SYNE3: variants seen among roughly 807,000 people sequenced by gnomAD.
The protein encoded by SYNE3 is nesprin-3.
In SYNE3, 100 loss-of-function variants were observed where a neutral mutation model predicts 111.2. That is an observed-to-expected ratio of 0.90 (90% confidence interval 0.77 to 1.06). The LOEUF (loss-of-function observed/expected upper bound fraction) is 1.06. Ranked by LOEUF, SYNE3 falls within the 50% of genes least tolerant of loss-of-function variation. SYNE3 has a pLI of 0.00. For synonymous variants in SYNE3, 547 were observed against 533.9 expected, an observed-to-expected ratio of 1.02 and a Z score of -0.34; for missense variants, 1,160 against 1,240.3, an observed-to-expected ratio of 0.94 and a Z score of 0.97.
intron 15 of SYNE3, 39 bp downstream of exon 15, chr14:95,436,781 C>A: frequency 6.2e-7 from 1 of 1,606,558 alleles, no homozygotes; most frequent in Non-Finnish European, 8.5e-7. Flanking sequence ...TCTGTGGGTG[C>A]AAACCTTATG....
intron 4 of SYNE3, among the ~76,000 whole-genome samples, chr14:95,460,628 G>A (rs1309167416): frequency 3.2e-5 from 3 of 94,350 alleles, no homozygotes; most frequent in Non-Finnish European, 6.0e-5. Context: ...AGTGGAGCAA[G>A]CGAGGGGACA....
At chr14:95,467,754 G>A (rs1888277001) in intron 3 of SYNE3, 41 bp downstream of exon 3, 1 of 1,611,216 alleles carries the variant, frequency 6.2e-7, no homozygotes, top group Non-Finnish European at 8.5e-7. Flanking sequence ...TGGGCAAGGA[G>A]GGTAAATGGC....
In SYNE3 at chr14:95,450,188, A is replaced by G. The variant is rs532240988; in HGVS notation, c.1275-83T>C. On this transcript the variant is annotated intron_variant, in intron 7 of 17. Transcript: ENST00000682763. Reference sequence around the variant, plus strand: ...GATGAGGCCTCCGCCAAGACCCTCAAGAGGCCCAGCATGCACTGCTCCCAG... The same window carrying G: ...GATGAGGCCTCCGCCAAGACCCTCAGGAGGCCCAGCATGCACTGCTCCCAG... 4.2e-5 allele frequency: 62 copies of G among 1,478,256 alleles called. 1 individual carries two copies. The East Asian group carries it at 1.3e-3, about 31-fold the overall frequency. 91.6% of individuals were successfully genotyped at this position (1,478,256 alleles called of 1,614,324 possible).
intron 1 of SYNE3, among the ~76,000 whole-genome samples, chr14:95,514,967 C>A (rs916789606): frequency 2.0e-5 from 3 of 152,230 alleles, no homozygotes; most frequent in Non-Finnish European, 2.9e-5. Flanking sequence ...CGAGCAGGAG[C>A]CTTGTTCCCA....
intron 11 of SYNE3, among the ~76,000 whole-genome samples, chr14:95,441,844 G>GT (rs1233756637): frequency 2.6e-5 from 4 of 152,252 alleles, no homozygotes; most frequent in African/African-American, 9.6e-5. Flanking sequence ...GGTGGGGAGG[G>GT]TTTGCAGTTG....
intron 1 of SYNE3, among the ~76,000 whole-genome samples, chr14:95,487,092 G>A (rs906387777): frequency 2.0e-5 from 3 of 152,072 alleles, no homozygotes; most frequent in Middle Eastern, 3.4e-3. Context: ...CCGCCCCTCC[G>A]CACCTGCTTC....
chr14:95,495,492 G>A (rs1385818734), intron 1 of SYNE3, among the ~76,000 whole-genome samples: 2 of 152,202 alleles, frequency 1.3e-5, no homozygotes, highest in Non-Finnish European at 2.9e-5. Context: ...TACTCACAAT[G>A]GCAATAGTTC....
At chr14:95,483,574 T>C (rs1028454801) in intron 1 of SYNE3, among the ~76,000 whole-genome samples, 1 of 152,124 alleles carries the variant, frequency 6.6e-6, no homozygotes, top group African/African-American at 2.4e-5. Context: ...GGATAGACCT[T>C]GGCAATCTTC....
chr14:95,465,755 G>C lies in SYNE3; in HGVS notation c.627+176C>G, dbSNP rs554978884. 8.5e-5 allele frequency among the ~76,000 whole-genome samples: 13 copies of C among 152,132 alleles called. No homozygotes were observed. In the South Asian group the frequency reaches 2.3e-3, roughly 27 times the overall value. Reference sequence around the variant, plus strand: ...AGGTAGATGGGTGAGTAGGTAGACAGATGGATGGGAGGGTGGTTGGATAGT... The same window carrying C: ...AGGTAGATGGGTGAGTAGGTAGACACATGGATGGGAGGGTGGTTGGATAGT... On this transcript the variant is annotated intron_variant, in intron 4 of 17. Coordinates refer to ENST00000682763, the MANE Select transcript of SYNE3 (RefSeq NM_152592.6).
intron 10 of SYNE3, chr14:95,444,196 A>G: frequency 2.2e-6 from 1 of 451,306 alleles, no homozygotes; most frequent in South Asian, 6.4e-5. Context: ...AAGAATACTT[A>G]GCAAAGCAAT....
In SYNE3 at chr14:95,473,556, T is replaced by C. The variant is rs116568568; in HGVS notation, c.144+2122A>G. Among the ~76,000 whole-genome samples, 240 of 152,068 alleles carry C rather than the reference T, an allele frequency of 1.6e-3. 2 individuals are homozygous for C. Among genetic ancestry groups the C allele is most frequent in the African/African-American group, 5.1e-3 (213 of 41,478 alleles). ...AAGCATTCCAAGCAGAGGCAACACA[T>C]GGACAAAGGCTTGGCGGTGGAAGGT... On this transcript the variant is annotated intron_variant, in intron 2 of 17. Transcript: ENST00000682763.
rs1179040321 is a variant in SYNE3, at chr14:95,446,044, C to T, written c.1497G>A (p.Leu499=). Residue 499 remains leucine (L), a synonymous_variant, in exon 9 of 18, where the codon CTG becomes CTA. Transcript: ENST00000682763. ...CAATCAGGAGGTCTTTCTTCAGCTG[C>T]AGCATCGTCAGCAGCTCTTTCAGGC... ...SSRLKELLTM[L]QLKKDLLIGI... is the part of the protein sequence containing the mutation. 1 of 1,614,048 alleles carries T rather than the reference C, an allele frequency of 6.2e-7. No individual in the cohort carries two copies. The highest frequency in any genetic ancestry group is 8.5e-7 in the Non-Finnish European group (1 of 1,180,040).
rs574423106 is a variant in SYNE3 at position 95,426,943 on chromosome 14, C to CAAA, written c.2727+5133_2727+5135dup. ...TGGGTGACAAAGCAAGACTCCATCTCAAAAAAAAAAAAAAAAAAAGAATAG... is the reference window on the plus strand; with the variant it reads ...TGGGTGACAAAGCAAGACTCCATCTCAAAAAAAAAAAAAAAAAAAAAAGAATAG... On this transcript the variant is annotated intron_variant, in intron 17 of 17. Transcript: ENST00000682763. Among the ~76,000 whole-genome samples the CAAA allele has an allele frequency of 1.2e-3, 121 of 104,780 alleles. 6 individuals carry two copies. The highest frequency in any genetic ancestry group is 5.1e-3 in the African/African-American group (115 of 22,358). The allele number at this position is 104,780 out of a possible 152,430, so 68.7% of individuals were successfully genotyped here.
intron 17 of SYNE3, among the ~76,000 whole-genome samples, chr14:95,420,727 CAT>C (rs1034379642): frequency 5.6e-4 from 84 of 150,808 alleles, no homozygotes; most frequent in African/African-American, 1.9e-3. Context: ...CACACACACA[CAT>C]ACACACACAC....
At chr14:95,451,476 C>G (rs1200723493) in intron 7 of SYNE3, 1 of 152,240 alleles carries the variant, frequency 6.6e-6, no homozygotes, top group Admixed American at 6.5e-5. Context: ...GTCTCCCTGC[C>G]TACTTTGTGC....
chr14:95,515,682 C>T (rs1002679452), intron 1 of SYNE3, among the ~76,000 whole-genome samples: 2 of 152,190 alleles, frequency 1.3e-5, no homozygotes, highest in African/African-American at 4.8e-5. Flanking sequence ...TGTAGAAAGC[C>T]CCCCCACCCA....
chr14:95,436,133 T>C (rs1886071415), intron 15 of SYNE3, among the ~76,000 whole-genome samples: 2 of 152,174 alleles, frequency 1.3e-5, no homozygotes, highest in Admixed American at 1.3e-4. Flanking sequence ...CCCCCAGCCA[T>C]ATCCATACCC....
chr14:95,460,053 C>T (rs1887693488), intron 4 of SYNE3, among the ~76,000 whole-genome samples: 1 of 152,112 alleles, frequency 6.6e-6, no homozygotes, highest in Non-Finnish European at 1.5e-5. Flanking sequence ...GCTGTGACTG[C>T]ACCACTGCAC....
At chr14:95,454,541 A>G (rs74079980) in intron 6 of SYNE3, among the ~76,000 whole-genome samples, 4,866 of 152,356 alleles carry the variant, frequency 0.032, 233 homozygotes, top group African/African-American at 0.11. Flanking sequence ...AGACAGTCCT[A>G]AAGCAGGGGA....
Sources: allele counts gnomAD v4.1 joint callset (sites outside exome capture counted in the v4.1 genomes callset), GRCh38; gene constraint gnomAD v4.1.1; transcripts MANE v1.5; gene names NCBI Gene and HGNC (gene_info 2026-07-23, HGNC 2026-07-21).